RNF149: variants seen among roughly 807,000 people sequenced by gnomAD.
RNF149 encodes the protein E3 ubiquitin-protein ligase RNF149.
In RNF149, 21 loss-of-function variants were observed where a neutral mutation model predicts 39.0. The observed-to-expected ratio is 0.54, with a 90% CI of 0.38 to 0.77. The LOEUF (loss-of-function observed/expected upper bound fraction) is 0.77, where lower values mean the gene tolerates loss of function less well. Among genes scored for constraint, RNF149 ranks in the 30% least tolerant of loss-of-function variants. RNF149 has a pLI of 0.00. For synonymous variants in RNF149, 209 were observed against 213.6 expected (o/e 0.98, Z 0.19); for missense variants, 493 against 534.9 (o/e 0.92, Z 0.77).
rs1172515064 is a variant in RNF149 at position 101,308,354 on chromosome 2, C to T, written c.235G>A (p.Val79Ile). The T allele has an allele frequency of 6.2e-7, 1 of 1,601,640 alleles. No individual in the cohort carries two copies. The highest frequency in any genetic ancestry group is 1.1e-5 in the South Asian group (1 of 90,206). Residue 79 changes from valine (V) to isoleucine (I), a missense_variant, in exon 1 of 7, where the codon GTC becomes ATC. Val to Ile is a conservative substitution (Grantham distance 29). Transcript: ENST00000295317. Reference sequence around the variant, plus strand: ...AGGTCTCCGCCGGGCGCCCACGGGACGCCCACCAGGCCATGCGCGCCCTCC... The same window carrying T: ...AGGTCTCCGCCGGGCGCCCACGGGATGCCCACCAGGCCATGCGCGCCCTCC... ...PKEGAHGLVG[V>I]PWAPGGDLEG...
intron 1 of RNF149, among the ~76,000 whole-genome samples, chr2:101,305,466 GT>G (rs1683618673): frequency 6.6e-6 from 1 of 152,152 alleles, no homozygotes; most frequent in Non-Finnish European, 1.5e-5. Flanking sequence ...CTTTTGCTCT[GT>G]TTAATCCATG....
At chr2:101,295,218 C>A in intron 1 of RNF149, 37 bp from the exon 2 acceptor site, 1 of 1,561,072 alleles carries the variant, frequency 6.4e-7, no homozygotes, top group Non-Finnish European at 8.8e-7. Flanking sequence ...GTGAAGAACA[C>A]AAAATAAGAT....
At chr2:101,273,467 TA>T, downstream of RNF149, 1 of 399,666 alleles carries the variant, frequency 2.5e-6, no homozygotes, top group South Asian at 2.0e-5. Flanking sequence ...ACTCTTGTAA[TA>T]TTTGTTTCTT....
chr2:101,292,361 A>G (rs938263583), intron 3 of RNF149, among the ~76,000 whole-genome samples: 1 of 152,348 alleles, frequency 6.6e-6, no homozygotes, highest in Admixed American at 6.5e-5. Flanking sequence ...CCCTGGAAGC[A>G]TATTTTCAAA....
chr2:101,278,221 G>T (rs777500037), intron 6 of RNF149, among the ~76,000 whole-genome samples: 24 of 151,902 alleles, frequency 1.6e-4, no homozygotes, highest in Non-Finnish European at 1.9e-4. Context: ...TCATGGTCAC[G>T]GCTCGCTGCA....
intron 3 of RNF149, among the ~76,000 whole-genome samples, chr2:101,291,410 A>G (rs913793328): frequency 3.3e-5 from 5 of 151,450 alleles, no homozygotes; most frequent in Non-Finnish European, 7.4e-5. Flanking sequence ...CGGCCTCCCA[A>G]AGTGCTGGGA....
chr2:101,300,730 T>G (rs935345075), intron 1 of RNF149, among the ~76,000 whole-genome samples: 11 of 152,330 alleles, frequency 7.2e-5, no homozygotes, highest in African/African-American at 2.6e-4. Context: ...AGATTGCTTC[T>G]GGGAATTATT....
chr2:101,303,592 A>G (rs1683543350), intron 1 of RNF149, among the ~76,000 whole-genome samples: 1 of 152,006 alleles, frequency 6.6e-6, no homozygotes, highest in Admixed American at 6.6e-5. Context: ...GAGGTCAGGG[A>G]TTTCTTTTTT....
intron 1 of RNF149, among the ~76,000 whole-genome samples, chr2:101,300,338 T>C (rs1163007206): frequency 6.6e-6 from 1 of 152,052 alleles, no homozygotes; most frequent in South Asian, 2.1e-4. Context: ...GAAGATTAAC[T>C]GAGATTTAAA....
rs1558788278 is a variant in RNF149 at position 101,294,023 on chromosome 2, A to G, written c.771T>C (p.His257=). 4 of 1,574,302 alleles carry G rather than the reference A, an allele frequency of 2.5e-6. No homozygotes were observed. Among genetic ancestry groups the G allele is most frequent in the Non-Finnish European group, 3.5e-6 (4 of 1,145,758 alleles). Residue 257 remains histidine, a synonymous_variant, in exon 3 of 7, where the codon CAT becomes CAC. Coordinates refer to ENST00000295317, the MANE Select transcript of RNF149 (RefSeq NM_173647.4). ...IGQLLLHTVK[H]GEKGIDVDAE... is the part of the protein sequence containing the mutation. ...ACCATGAAAATATTACCTTTTCTCC[A>G]TGCTTTACAGTATGAAGTAGAAGCT...
chr2:101,299,588 G>A (rs2104427871), intron 1 of RNF149, among the ~76,000 whole-genome samples: 1 of 152,260 alleles, frequency 6.6e-6, no homozygotes, highest in Middle Eastern at 3.4e-3. Flanking sequence ...TTGCTTTTGT[G>A]GAAAATTTCA....
At chr2:101,283,662 G>A (rs1346456749) in intron 5 of RNF149, among the ~76,000 whole-genome samples, 1 of 152,122 alleles carries the variant, frequency 6.6e-6, no homozygotes, top group African/African-American at 2.4e-5. Context: ...TATAGGTTCT[G>A]TTCTTCAAAC....
At position 101,276,602 on chromosome 2, in the gene RNF149, C is replaced by T. The variant is rs1241308378; in HGVS notation, c.*636G>A. 6 of 985,504 alleles carry T rather than the reference C, an allele frequency of 6.1e-6. No homozygotes were observed. Among genetic ancestry groups the T allele is most frequent in the Middle Eastern group, 5.2e-4 (1 of 1,936 alleles). The allele number at this position is 985,504 out of a possible 1,614,324, so 61.0% of individuals were successfully genotyped here. ...AAACAGATTTCCCTCCCCAACAAGG[C>T]GTCACAAGAAATGAGGCAATAAAGG... On this transcript the variant is annotated 3_prime_UTR_variant, in exon 7 of 7. Coordinates refer to ENST00000295317, the MANE Select transcript of RNF149 (RefSeq NM_173647.4).
chr2:101,285,783 T>C (rs1342679048), intron 5 of RNF149, among the ~76,000 whole-genome samples: 2 of 152,244 alleles, frequency 1.3e-5, no homozygotes, highest in African/African-American at 2.4e-5. Context: ...TTCTTGTCTA[T>C]ACAAAACTAG....
chr2:101,284,331 G>C (rs1185864716), intron 5 of RNF149, among the ~76,000 whole-genome samples: 1 of 152,194 alleles, frequency 6.6e-6, no homozygotes, highest in Admixed American at 6.5e-5. Context: ...TGTAATCTCA[G>C]CACTTTGGGA....
chr2:101,288,396 C>T (rs1212228956), intron 4 of RNF149, among the ~76,000 whole-genome samples: 14 of 151,926 alleles, frequency 9.2e-5, no homozygotes, highest in Admixed American at 9.2e-4. Context: ...CGCTACCACA[C>T]CCGGCTAATT....
At chr2:101,292,405 T>C (rs1683047912) in intron 3 of RNF149, among the ~76,000 whole-genome samples, 1 of 152,222 alleles carries the variant, frequency 6.6e-6, no homozygotes, top group South Asian at 2.1e-4. Flanking sequence ...AATACCAATT[T>C]ACTTGTGTTC....
intron 1 of RNF149, among the ~76,000 whole-genome samples, chr2:101,297,425 T>G (rs750102753): frequency 2.0e-5 from 3 of 152,142 alleles, no homozygotes; most frequent in Admixed American, 6.6e-5. Flanking sequence ...GGTGGGATCC[T>G]AGCTCAATGA....
chr2:101,296,717 A>C (rs1386148078), intron 1 of RNF149, among the ~76,000 whole-genome samples: 1 of 152,144 alleles, frequency 6.6e-6, no homozygotes, highest in Non-Finnish European at 1.5e-5. Context: ...ATTCCAACTA[A>C]ATTAAAGACT....
Sources: allele counts gnomAD v4.1 joint callset (sites outside exome capture counted in the v4.1 genomes callset), GRCh38; gene constraint gnomAD v4.1.1; transcripts MANE v1.5; gene names NCBI Gene and HGNC (gene_info 2026-07-23, HGNC 2026-07-21).